C20orf96: variants seen among roughly 807,000 people sequenced by gnomAD.
C20orf96 encodes the protein uncharacterized protein C20orf96.
In C20orf96, 57 loss-of-function variants were observed where a neutral mutation model predicts 52.6. That is an observed-to-expected ratio of 1.08 (90% CI 0.88 to 1.35). The LOEUF (loss-of-function observed/expected upper bound fraction) is 1.35. C20orf96 is among the 40% of genes most tolerant of loss of function. The pLI, the probability that C20orf96 is intolerant of heterozygous loss-of-function variation, is 0.00. For synonymous variants in C20orf96, 168 were observed against 157.2 expected (o/e 1.07, Z -0.51); for missense variants, 478 against 443.6 (o/e 1.08, Z -0.70).
At position 273,567 on chromosome 20, in the gene C20orf96, G is replaced by A. The variant is rs559957472; in HGVS notation, c.1032-2300C>T. Among the ~76,000 whole-genome samples, 33 of 151,250 alleles carry A rather than the reference G, an allele frequency of 2.2e-4. 1 individual carries two copies. The South Asian group carries it at 5.4e-3, about 25-fold the overall frequency. ...ATAGAGCAGTAACATAAGCATCACC[G>A]GGTAGCTTCTTAGAAATGCAGAATC... On this transcript the variant is annotated intron_variant, in intron 10 of 10. Coordinates refer to ENST00000360321, the MANE Select transcript of C20orf96 (RefSeq NM_153269.3).
chr20:281,073 T>C (rs988175112), intron 4 of C20orf96, among the ~76,000 whole-genome samples: 1 of 152,030 alleles, frequency 6.6e-6, no homozygotes, highest in African/African-American at 2.4e-5. Flanking sequence ...GGAGGAATGT[T>C]TGAGCCCAGA....
At chr20:284,734 G>A (rs961302280) in intron 3 of C20orf96, among the ~76,000 whole-genome samples, 1 of 152,210 alleles carries the variant, frequency 6.6e-6, no homozygotes, top group Non-Finnish European at 1.5e-5. Flanking sequence ...ATGGGCGCCT[G>A]TAATCCCAGC....
chr20:281,520 C>T (rs1410333461), intron 4 of C20orf96, among the ~76,000 whole-genome samples: 1 of 152,238 alleles, frequency 6.6e-6, no homozygotes, highest in Admixed American at 6.5e-5. Context: ...AAAACGACCC[C>T]TTCCTAGCCC....
rs2012506313 is a variant in C20orf96 at position 290,325 on chromosome 20, G to A, written c.21-18C>T. On this transcript the variant is annotated intron_variant, in intron 1 of 10. Coordinates refer to ENST00000360321, the MANE Select transcript of C20orf96 (RefSeq NM_153269.3). ...GCTTGGGTCTGGAAAGAGTTGGGAA[G>A]GGAAAGAACTTCCATTATCCCCAGC... 6.2e-7 allele frequency: 1 copy of A among 1,612,256 alleles called. No individual in the cohort carries two copies. The highest frequency in any genetic ancestry group is 8.5e-7 in the Non-Finnish European group (1 of 1,179,106).
chr20:275,895 C>T (rs2012001604), intron 10 of C20orf96, 73 bp downstream of exon 10: 1 of 1,432,810 alleles, frequency 7.0e-7, no homozygotes, highest in South Asian at 1.1e-5. Flanking sequence ...AGGCTGCCTT[C>T]CCCAAGAACA....
chr20:276,865 G>A lies in C20orf96; in HGVS notation c.840C>T (p.Pro280=), dbSNP rs2012042695. ...LSSVVAETQR[P]YEEALLQKMW... ...TCTTCTGTAGGAGAGCCTCTTCATA[G>A]GGACGCTGGGTTTCCTGTGGAGGAA... The change falls in exon 9 of 11, where the codon CCC becomes CCT. Residue 280 remains proline, a synonymous_variant. Coordinates refer to ENST00000360321, the MANE Select transcript of C20orf96 (RefSeq NM_153269.3). 1 of 1,613,844 alleles carries A rather than the reference G, an allele frequency of 6.2e-7. No individual in the cohort carries two copies. Among genetic ancestry groups the A allele is most frequent in the Non-Finnish European group, 8.5e-7 (1 of 1,179,932 alleles).
chr20:275,316 T>G (rs2011982180), intron 10 of C20orf96, among the ~76,000 whole-genome samples: 1 of 147,842 alleles, frequency 6.8e-6, no homozygotes, highest in Non-Finnish European at 1.5e-5. Context: ...TATTTTGTTT[T>G]GGGGGCGGGG....
At chr20:289,035 CAG>C (rs1308041175) in intron 3 of C20orf96, among the ~76,000 whole-genome samples, 2 of 152,154 alleles carry the variant, frequency 1.3e-5, no homozygotes, top group Non-Finnish European at 2.9e-5. Context: ...AATGATGTGG[CAG>C]AGTTTATTCT....
At chr20:273,705 G>A (rs908868675) in intron 10 of C20orf96, among the ~76,000 whole-genome samples, 23 of 152,072 alleles carry the variant, frequency 1.5e-4, no homozygotes, top group African/African-American at 4.6e-4. Context: ...GCAAAACCCC[G>A]TTTCTACTAA....
In C20orf96 at chr20:276,856, C is replaced by A; in HGVS notation, c.849G>T (p.Glu283Asp). Residue 283 changes from glutamate to aspartate, a missense_variant, in exon 9 of 11, where the codon GAG becomes GAT. Transcript: ENST00000360321. ...TTTCCCACATCTTCTGTAGGAGAGC[C>A]TCTTCATAGGGACGCTGGGTTTCCT... ...VVAETQRPYEEALLQKMWESQ... is the reference protein window; with the variant it reads ...VVAETQRPYEDALLQKMWESQ... The A allele has an allele frequency of 6.2e-7, 1 of 1,613,968 alleles. No homozygotes were observed. Among genetic ancestry groups the A allele is most frequent in the Non-Finnish European group, 8.5e-7 (1 of 1,179,942 alleles).
chr20:289,575 C>T lies in C20orf96; in HGVS notation c.171G>A (p.Leu57=), dbSNP rs774711308. ...NSLHTSKMKT[L]TRVQPVFHFK... is the part of the protein sequence containing the mutation. ...TCCGCCCACCTGGTTGGACCCTAGT[C>T]AAAGTCTTCATTTTGCTTGTATGAA... The change falls in exon 3 of 11, where the codon TTG becomes TTA. Residue 57 remains leucine, a synonymous_variant. Transcript: ENST00000360321. The T allele has an allele frequency of 6.2e-7, 1 of 1,613,818 alleles. No homozygotes were observed. Among genetic ancestry groups the T allele is most frequent in the Non-Finnish European group, 8.5e-7 (1 of 1,179,774 alleles).
intron 3 of C20orf96, among the ~76,000 whole-genome samples, chr20:289,227 T>C (rs2012473622): frequency 6.7e-6 from 1 of 149,294 alleles, no homozygotes; most frequent in Non-Finnish European, 1.5e-5. Context: ...CACATAATTG[T>C]CCATGTTCTT....
At position 288,831 on chromosome 20, in the gene C20orf96, A is replaced by C. The variant is rs560563746; in HGVS notation, c.187+728T>G. Among the ~76,000 whole-genome samples, 6 of 152,322 alleles carry C rather than the reference A, an allele frequency of 3.9e-5. No individual in the cohort carries two copies. In the East Asian group the frequency reaches 9.6e-4, roughly 24 times the overall value. Reference sequence around the variant, plus strand: ...GAAGTTCATTTCAGGATACCAAAGAAATATTACAAAATATTTGTTATTAAT... The same window carrying C: ...GAAGTTCATTTCAGGATACCAAAGACATATTACAAAATATTTGTTATTAAT... On this transcript the variant is annotated intron_variant, in intron 3 of 10. Coordinates refer to ENST00000360321, the MANE Select transcript of C20orf96 (RefSeq NM_153269.3).
rs1359586554 is a variant in C20orf96, at chr20:271,267, C to G, written c.1032G>C (p.Lys344Asn). The G allele has an allele frequency of 6.4e-7, 1 of 1,552,964 alleles. No homozygotes were observed. The highest frequency in any genetic ancestry group is 1.4e-5 in the African/African-American group (1 of 73,300). ...IFEDVLLRRP[K>N]CTPDMDVILN... ...GGATGACATCCATGTCTGGGGTGCA[C>G]CTGGTGGGAGGCAGCACAGAAGGCC... Residue 344 changes from lysine to asparagine, a missense_variant and splice_region_variant, in exon 11 of 11, where the codon AAG (lysine) becomes AAC (asparagine). Physicochemically the swap from Lys to Asn is moderately conservative, Grantham distance 94. Transcript: ENST00000360321.
At chr20:287,908 CAAAAAAAAAA>C (rs71327437) in intron 3 of C20orf96, among the ~76,000 whole-genome samples, 1 of 63,088 alleles carries the variant, frequency 1.6e-5, no homozygotes, top group Non-Finnish European at 3.0e-5. Context: ...GACTCCTTCT[CAAAAAAAAAA>C]AAAAAAAAAA....
chr20:289,619 C>G lies in C20orf96; in HGVS notation c.127G>C (p.Val43Leu). The change falls in exon 3 of 11, where the codon GTC (valine) becomes CTC (leucine). Residue 43 changes from valine (V) to leucine (L), a missense_variant. By Grantham distance (32) the Val-to-Leu change is conservative. Coordinates refer to ENST00000360321, the MANE Select transcript of C20orf96 (RefSeq NM_153269.3). ...QETKPSTLPP[V>L]QQANSLHTSK... ...GTATGAAGGCTGTTGGCTTGTTGGA[C>G]TGGAGGCAGAGTAGATGGCTTGGTT... 6.2e-7 allele frequency: 1 copy of G among 1,614,092 alleles called. No homozygotes were observed. Among genetic ancestry groups the G allele is most frequent in the Non-Finnish European group, 8.5e-7 (1 of 1,179,984 alleles).
At chr20:279,445 C>T in intron 4 of C20orf96, 115 bp from the exon 5 acceptor site, 1 of 1,206,902 alleles carries the variant, frequency 8.3e-7, no homozygotes, top group Non-Finnish European at 1.1e-6. Flanking sequence ...CGTGCGGCCT[C>T]CTGCTGGTAA....
At chr20:290,118 C>T (rs2012498381) in intron 2 of C20orf96, 141 bp downstream of exon 2, 6 of 651,946 alleles carry the variant, frequency 9.2e-6, no homozygotes, top group African/African-American at 1.8e-5. Context: ...CTGGGTCCCA[C>T]AGCAAAGTGT....
At chr20:278,143 G>A (rs978714945) in intron 6 of C20orf96, among the ~76,000 whole-genome samples, 187 bp downstream of exon 6, 2 of 152,222 alleles carry the variant, frequency 1.3e-5, no homozygotes, top group Non-Finnish European at 2.9e-5. Flanking sequence ...ACCCAGATAC[G>A]GGGCCTGGAA....
Sources: gnomAD v4.1 joint callset for allele counts (sites outside exome capture counted in the v4.1 genomes callset) on GRCh38, gnomAD v4.1.1 for gene constraint, MANE v1.5 for transcripts, NCBI Gene and HGNC (gene_info 2026-07-23, HGNC 2026-07-21) for gene names.